Variants in CNBD1 observed in about 807,000 individuals in gnomAD.
CNBD1 encodes the protein cyclic nucleotide-binding domain-containing protein 1.
CNBD1 carries 71 observed loss-of-function variants against 54.4 expected under a neutral mutation model. The ratio of observed to expected loss-of-function variants is 1.30; its 90% CI spans 1.08 to 1.59. The LOEUF (loss-of-function observed/expected upper bound fraction) is 1.59, where lower values mean the gene tolerates loss of function less well. Ranked by LOEUF, CNBD1 falls within the 40% of genes most tolerant of loss-of-function variation. The pLI, the probability that CNBD1 is intolerant of heterozygous loss-of-function variation, is 0.00. For synonymous variants in CNBD1, 182 were observed against 170.7 expected, an observed-to-expected ratio of 1.07 and a Z score of -0.51; for missense variants, 659 against 518.0, an observed-to-expected ratio of 1.27 and a Z score of -2.64.
chr8:87,330,978 A>G (rs957157668), intron 8 of CNBD1, among the ~76,000 whole-genome samples: 2 of 152,202 alleles, frequency 1.3e-5, no homozygotes, highest in African/African-American at 4.8e-5. Flanking sequence ...TGGTGCATTT[A>G]TATCATTGAT....
chr8:87,263,145 C>A (rs528417352), intron 6 of CNBD1, among the ~76,000 whole-genome samples: 12 of 152,056 alleles, frequency 7.9e-5, no homozygotes, highest in African/African-American at 1.2e-4. Flanking sequence ...ATAGTGGTTT[C>A]AACCTTGATG....
At chr8:87,389,794 A>G (rs1008318152) in intron 2 of CNBD1, among the ~76,000 whole-genome samples, 15 of 152,202 alleles carry the variant, frequency 9.9e-5, no homozygotes, top group Admixed American at 9.8e-4. Context: ...TGCCCAGTCA[A>G]TCCTAAGCCG....
chr8:87,338,025 A>T (rs2130916277), intron 8 of CNBD1, among the ~76,000 whole-genome samples: 1 of 152,202 alleles, frequency 6.6e-6, no homozygotes, highest in African/African-American at 2.4e-5. Context: ...ATATGATTTA[A>T]TTTTTTATGT....
intron 2 of CNBD1, among the ~76,000 whole-genome samples, chr8:87,425,298 TC>T (rs1808025239): frequency 6.6e-6 from 1 of 152,218 alleles, no homozygotes; most frequent in Non-Finnish European, 1.5e-5. Context: ...AATTTGATCA[TC>T]TGAAGCCTTC....
At chr8:87,316,113 A>T (rs1461788283) in intron 8 of CNBD1, among the ~76,000 whole-genome samples, 1 of 152,086 alleles carries the variant, frequency 6.6e-6, no homozygotes, top group Non-Finnish European at 1.5e-5. Context: ...AGAATAATAA[A>T]AAATTAGTAT....
chr8:87,286,176 A>G (rs1421362570), intron 7 of CNBD1, among the ~76,000 whole-genome samples: 2 of 152,196 alleles, frequency 1.3e-5, no homozygotes, highest in Non-Finnish European at 2.9e-5. Context: ...GCTTTAACAA[A>G]AAATTCTTTA....
At chr8:87,297,185 AG>A (rs1563541755) in intron 8 of CNBD1, among the ~76,000 whole-genome samples, 1 of 148,718 alleles carries the variant, frequency 6.7e-6, no homozygotes, top group Admixed American at 6.7e-5. Flanking sequence ...AAAAAAAAAA[AG>A]GAAAAAATTA....
chr8:87,051,674 G>C lies in CNBD1; in HGVS notation c.431+111920G>C, dbSNP rs139505730. Among the ~76,000 whole-genome samples the C allele has an allele frequency of 3.3e-5, 5 of 152,352 alleles. No individual in the cohort carries two copies. The East Asian group carries it at 9.7e-4, about 29-fold the overall frequency. ...AGCAGGAGCATGTCCTTAAGGCACAGATCGCTCATGCTATTGTTTGTGGTT... is the reference window on the plus strand; with the variant it reads ...AGCAGGAGCATGTCCTTAAGGCACACATCGCTCATGCTATTGTTTGTGGTT... On this transcript the variant is annotated intron_variant, in intron 4 of 10. Transcript: ENST00000518476.
At chr8:87,309,326 C>T (rs919372227) in intron 8 of CNBD1, among the ~76,000 whole-genome samples, 1 of 152,132 alleles carries the variant, frequency 6.6e-6, no homozygotes, top group Non-Finnish European at 1.5e-5. Flanking sequence ...ATCTCTGCTT[C>T]TCCATGCCAC....
At chr8:87,404,941 C>T (rs1156417426) in intron 2 of CNBD1, among the ~76,000 whole-genome samples, 1 of 151,988 alleles carries the variant, frequency 6.6e-6, no homozygotes, top group Non-Finnish European at 1.5e-5. Context: ...AGGCCTCCAC[C>T]AACTCACTTT....
At chr8:86,978,137 G>T (rs1355135805) in intron 4 of CNBD1, among the ~76,000 whole-genome samples, 1 of 151,846 alleles carries the variant, frequency 6.6e-6, no homozygotes, top group Non-Finnish European at 1.5e-5. Context: ...TTATTTTCTT[G>T]CCATTTGACC....
At chr8:87,312,846 T>A in intron 8 of CNBD1, among the ~76,000 whole-genome samples, 1 of 152,010 alleles carries the variant, frequency 6.6e-6, no homozygotes, top group East Asian at 1.9e-4. Context: ...GCATTTCTCT[T>A]TTGGTCTTAG....
At chr8:87,044,263 T>C (rs769241885) in intron 4 of CNBD1, among the ~76,000 whole-genome samples, 1 of 152,072 alleles carries the variant, frequency 6.6e-6, no homozygotes, top group Non-Finnish European at 1.5e-5. Context: ...TTATTTTTAT[T>C]AAAGAGAGAT....
At chr8:87,392,326 CAT>C (rs1193230086) in intron 2 of CNBD1, among the ~76,000 whole-genome samples, 2 of 151,928 alleles carry the variant, frequency 1.3e-5, no homozygotes, top group Non-Finnish European at 2.9e-5. Flanking sequence ...GAAGTGAAAA[CAT>C]ATGTACATGC....
At chr8:87,094,017 C>T (rs556482690) in intron 4 of CNBD1, among the ~76,000 whole-genome samples, 11 of 152,276 alleles carry the variant, frequency 7.2e-5, no homozygotes, top group African/African-American at 2.4e-4. Context: ...ACTTAACCTG[C>T]ACTGTTGGTT....
At chr8:87,165,116 T>C (rs1399651397) in intron 4 of CNBD1, among the ~76,000 whole-genome samples, 1 of 151,964 alleles carries the variant, frequency 6.6e-6, no homozygotes, top group Non-Finnish European at 1.5e-5. Context: ...TATCATGATC[T>C]GAAAAGATAC....
intron 4 of CNBD1, among the ~76,000 whole-genome samples, chr8:87,092,911 G>A (rs1477272920): frequency 6.6e-6 from 1 of 151,968 alleles, no homozygotes; most frequent in African/African-American, 2.4e-5. Context: ...CTTTGAATTC[G>A]AAATTGCTCC....
In CNBD1 at chr8:87,092,533, G is replaced by GTA. The variant is rs1229791375; in HGVS notation, c.432-113458_432-113457dup. On this transcript the variant is annotated intron_variant, in intron 4 of 10. Transcript: ENST00000518476. ...TGTGTGTGTATGTGTGTGTATGTAT[G>GTA]TATGTGTGTGTATATATATATATAC... Among the ~76,000 whole-genome samples the GTA allele has an allele frequency of 2.5e-5, 3 of 122,292 alleles. No homozygotes were observed. The East Asian group carries it at 7.0e-4, about 29-fold the overall frequency. 80.2% of individuals were successfully genotyped at this position (122,292 alleles called of 152,430 possible).
At chr8:87,217,666 T>G (rs546256078) in intron 5 of CNBD1, among the ~76,000 whole-genome samples, 1 of 151,806 alleles carries the variant, frequency 6.6e-6, no homozygotes, top group African/African-American at 2.4e-5. Context: ...AAGTTTGACT[T>G]TAATAGCCAA....
Sources: allele counts gnomAD v4.1 joint callset (sites outside exome capture counted in the v4.1 genomes callset), GRCh38; gene constraint gnomAD v4.1.1; transcripts MANE v1.5; gene names NCBI Gene and HGNC (gene_info 2026-07-23, HGNC 2026-07-21).